DDHD2: variants seen among roughly 807,000 people sequenced by gnomAD.
The protein encoded by DDHD2 is triacylglycerol hydrolase DDHD2.
In DDHD2, 62 loss-of-function variants were observed where a neutral mutation model predicts 91.2. The observed-to-expected ratio is 0.68, with a 90% CI of 0.55 to 0.84. The LOEUF (loss-of-function observed/expected upper bound fraction) is 0.84, where lower values mean the gene tolerates loss of function less well. Ranked by LOEUF, DDHD2 falls within the 40% of genes least tolerant of loss-of-function variation. DDHD2 has a pLI of 0.00. For missense variants in DDHD2, 740 were observed against 846.9 expected, an observed-to-expected ratio of 0.87 and a Z score of 1.57; for synonymous variants, 271 against 293.9, an observed-to-expected ratio of 0.92 and a Z score of 0.80.
intron 17 of DDHD2, 106 bp downstream of exon 17, chr8:38,260,253 C>T: frequency 1.7e-6 from 1 of 586,516 alleles, no homozygotes; most frequent in Non-Finnish European, 2.9e-6. Context: ...TGTTGCCTGT[C>T]ACCAAGATCT....
At chr8:38,241,362 C>T (rs1489221242) in intron 6 of DDHD2, among the ~76,000 whole-genome samples, 5 of 151,056 alleles carry the variant, frequency 3.3e-5, no homozygotes, top group Admixed American at 6.6e-5. Flanking sequence ...CTCATGATGC[C>T]GACGTTTTGA....
At chr8:38,258,932 ATAAG>A (rs1806746927) in intron 16 of DDHD2, among the ~76,000 whole-genome samples, 2 of 152,222 alleles carry the variant, frequency 1.3e-5, no homozygotes, top group African/African-American at 4.8e-5. Flanking sequence ...AAGTGTGGAT[ATAAG>A]TAATTGCTTG....
chr8:38,239,979 T>G (rs2130783224), intron 5 of DDHD2, among the ~76,000 whole-genome samples: 1 of 151,800 alleles, frequency 6.6e-6, no homozygotes, highest in African/African-American at 2.4e-5. Flanking sequence ...TGCCTTGGCC[T>G]CCCAAAGTGC....
intron 16 of DDHD2, chr8:38,255,424 C>A (rs983609638): frequency 4.8e-6 from 2 of 420,856 alleles, no homozygotes; most frequent in African/African-American, 4.2e-5. Context: ...GTGGGCAGTA[C>A]ATTCATATGG....
chr8:38,245,878 C>T lies in DDHD2; in HGVS notation c.985C>T (p.Arg329Ter), dbSNP rs201258800. The change falls in exon 8 of 18, where the codon CGA becomes TGA. Residue 329 changes from arginine to a stop codon, truncating the protein, a stop_gained. Transcript: ENST00000397166. LOFTEE classifies it high-confidence loss of function. Reference protein sequence around the residue: ...IVDTVASEMNRIYTLFLQRNP... With the variant: ...IVDTVASEMN ...GGACACAGTTGCTTCTGAAATGAACCGAATATACACACTTTTTCTACAGAG... is the reference window on the plus strand; with the variant it reads ...GGACACAGTTGCTTCTGAAATGAACTGAATATACACACTTTTTCTACAGAG... 11 of 1,613,920 alleles carry T rather than the reference C, an allele frequency of 6.8e-6. No homozygotes were observed. Among genetic ancestry groups the T allele is most frequent in the Admixed American group, 3.3e-5 (2 of 59,988 alleles).
Position 38,252,131 on chromosome 8 carries a change from G to A in DDHD2, c.1462-1G>A. 1 of 1,613,532 alleles carries A rather than the reference G, an allele frequency of 6.2e-7. No individual in the cohort carries two copies. Among genetic ancestry groups the A allele is most frequent in the South Asian group, 1.1e-5 (1 of 90,978 alleles). ...AGATGCTTTTATTTTCCTCCTTTGA[G>A]GTGTCTGTGAAATACCCCCGGCTCA... On this transcript the variant is annotated splice_acceptor_variant, in intron 12 of 17. Coordinates refer to ENST00000397166, the MANE Select transcript of DDHD2 (RefSeq NM_015214.3). LOFTEE classifies it high-confidence loss of function.
chr8:38,256,076 T>C (rs142083668), intron 16 of DDHD2, among the ~76,000 whole-genome samples: 1 of 152,246 alleles, frequency 6.6e-6, no homozygotes, highest in Non-Finnish European at 1.5e-5. Context: ...TTGATGAGTT[T>C]TGACATGTAT....
intron 2 of DDHD2, 133 bp from the exon 3 acceptor site, chr8:38,234,261 G>T: frequency 1.8e-6 from 1 of 540,998 alleles, no homozygotes; most frequent in Non-Finnish European, 3.0e-6. Context: ...ATTCCATTTT[G>T]TTTGGTGTTT....
intron 15 of DDHD2, 33 bp downstream of exon 15, chr8:38,253,160 A>G (rs1319744786): frequency 6.4e-7 from 1 of 1,571,034 alleles, no homozygotes; most frequent in Non-Finnish European, 8.6e-7. Context: ...ACCAGCTGCC[A>G]GATAAGAGGG....
chr8:38,245,987 T>C (rs1055983849), intron 8 of DDHD2, 37 bp downstream of exon 8: 1 of 1,573,658 alleles, frequency 6.4e-7, no homozygotes, highest in African/African-American at 1.3e-5. Flanking sequence ...GAGAAGACTA[T>C]CACATTTTAA....
intron 16 of DDHD2, among the ~76,000 whole-genome samples, chr8:38,254,616 C>T (rs1264536294): frequency 6.6e-5 from 10 of 152,166 alleles, no homozygotes; most frequent in Admixed American, 1.3e-4. Context: ...AATCCGCCTC[C>T]ACCTCTGCCT....
intron 16 of DDHD2, among the ~76,000 whole-genome samples, chr8:38,255,840 A>C (rs1806475603): frequency 6.6e-6 from 1 of 152,144 alleles, no homozygotes; most frequent in Non-Finnish European, 1.5e-5. Context: ...TATATCTGTA[A>C]TGTAAAATAC....
chr8:38,241,633 G>C (rs1805269891), intron 6 of DDHD2, among the ~76,000 whole-genome samples: 1 of 151,534 alleles, frequency 6.6e-6, no homozygotes, highest in Admixed American at 6.6e-5. Context: ...TGGCCAGGCT[G>C]GTCTTGAACT....
Position 38,246,254 on chromosome 8 carries a change from T to C in DDHD2, c.1079T>C (p.Ile360Thr). 2 of 1,608,342 alleles carry C rather than the reference T, an allele frequency of 1.2e-6. No individual in the cohort carries two copies. Among genetic ancestry groups the C allele is most frequent in the Non-Finnish European group, 1.7e-6 (2 of 1,175,522 alleles). The change falls in exon 9 of 18, where the codon ATC (isoleucine) becomes ACC (threonine). Residue 360 changes from isoleucine (I) to threonine (T), a missense_variant. This residue lies in a region of DDHD2 where 693 missense variants were observed against 764.2 expected (regional missense o/e 0.91). Coordinates refer to ENST00000397166, the MANE Select transcript of DDHD2 (RefSeq NM_015214.3). ...ATAGGTTCGCTTATATTGTTTGATA[T>C]CCTAACAAATCAGAAAGATTCTTTG... ...HSLGSLILFD[I>T]LTNQKDSLGD...
intron 4 of DDHD2, among the ~76,000 whole-genome samples, chr8:38,237,855 A>T (rs189988408): frequency 3.2e-4 from 49 of 152,362 alleles, no homozygotes; most frequent in Admixed American, 9.8e-4. Flanking sequence ...AGAATAAGAA[A>T]ATCACTGACA....
chr8:38,249,026 T>C (rs1805891701), intron 10 of DDHD2, among the ~76,000 whole-genome samples: 1 of 152,142 alleles, frequency 6.6e-6, no homozygotes, highest in Admixed American at 6.5e-5. Context: ...TGCTGTATGT[T>C]CTCAGTGCTT....
chr8:38,252,368 A>G (rs1038125068), intron 13 of DDHD2, 81 bp downstream of exon 13: 2 of 1,475,944 alleles, frequency 1.4e-6, no homozygotes, highest in Non-Finnish European at 1.8e-6. Flanking sequence ...TGTTGTGTTG[A>G]TTTTTTTTTC....
At chr8:38,268,639 C>A (rs1808117181) in intron 1 of DDHD2, 4 of 1,437,560 alleles carry the variant, frequency 2.8e-6, no homozygotes, top group Non-Finnish European at 3.6e-6. Context: ...CGGCTCGGGC[C>A]CCGGTACCTC....
At chr8:38,264,151 A>ATTTT, downstream of DDHD2, 2 of 862,544 alleles carry the variant, frequency 2.3e-6, no homozygotes, top group Non-Finnish European at 2.8e-6. Flanking sequence ...GATAGATTCA[A>ATTTT]TTTTTTTTTT....
Sources: allele counts gnomAD v4.1 joint callset (sites outside exome capture counted in the v4.1 genomes callset), GRCh38; gene constraint gnomAD v4.1.1; regional missense constraint gnomAD v4.1.1; transcripts MANE v1.5; gene names NCBI Gene and HGNC (gene_info 2026-07-23, HGNC 2026-07-21).